The following DIP2B variants were observed in gnomAD, a reference collection of about 807,000 sequenced individuals.
The protein encoded by DIP2B is disco-interacting protein 2 homolog B.
Under a neutral mutation model 198.0 loss-of-function variants are expected in DIP2B, and 76 were observed. That is an observed-to-expected ratio of 0.38 (90% CI 0.32 to 0.46). The LOEUF (loss-of-function observed/expected upper bound fraction) is 0.46, where lower values mean the gene tolerates loss of function less well. Ranked by LOEUF, DIP2B falls within the 20% of genes least tolerant of loss-of-function variation. The probability of loss-of-function intolerance (pLI) is 0.99; values close to 1 mark genes in which losing one functional copy is unlikely to be tolerated. For missense variants in DIP2B, 1,559 were observed against 1,978.4 expected (o/e 0.79, Z 4.02); for synonymous variants, 701 against 739.1 (o/e 0.95, Z 0.84).
At chr12:50,647,200 C>T (rs1036196148) in intron 3 of DIP2B, among the ~76,000 whole-genome samples, 12 of 152,054 alleles carry the variant, frequency 7.9e-5, no homozygotes, top group Admixed American at 7.9e-4. Context: ...CAGACAAACC[C>T]TGTCATGCCT....
intron 1 of DIP2B, among the ~76,000 whole-genome samples, chr12:50,596,349 A>T (rs1390886283): frequency 6.6e-6 from 1 of 152,198 alleles, no homozygotes; most frequent in Non-Finnish European, 1.5e-5. Context: ...ACAGATTAAC[A>T]AAAGAACAGG....
At chr12:50,549,697 T>TA (rs56326368) in intron 1 of DIP2B, among the ~76,000 whole-genome samples, 18,992 of 64,550 alleles carry the variant, frequency 0.29, 3,459 homozygotes, top group South Asian at 0.36. Flanking sequence ...GACTCCATCT[T>TA]AAAAAAAAAA....
At chr12:50,565,291 C>T (rs1958554028) in intron 1 of DIP2B, among the ~76,000 whole-genome samples, 1 of 146,060 alleles carries the variant, frequency 6.8e-6, no homozygotes. Context: ...GCCACCATGC[C>T]AGCTGGTGCC....
At chr12:50,577,664 AAAT>A (rs1380310670) in intron 1 of DIP2B, among the ~76,000 whole-genome samples, 1 of 151,654 alleles carries the variant, frequency 6.6e-6, no homozygotes, top group African/African-American at 2.4e-5. Context: ...CTAAAACAAA[AAAT>A]AATAGGTAGA....
At chr12:50,507,542 A>G (rs534643204) in intron 1 of DIP2B, among the ~76,000 whole-genome samples, 1 of 152,026 alleles carries the variant, frequency 6.6e-6, no homozygotes, top group South Asian at 2.1e-4. Flanking sequence ...TTTTTGTTTT[A>G]GATGCTTTTC....
intron 19 of DIP2B, among the ~76,000 whole-genome samples, chr12:50,699,629 G>A (rs1939381177): frequency 6.6e-6 from 1 of 152,032 alleles, no homozygotes; most frequent in Non-Finnish European, 1.5e-5. Flanking sequence ...TGCTCTTACT[G>A]AGGCCAGGAG....
chr12:50,642,938 G>A (rs1164304755), intron 3 of DIP2B, among the ~76,000 whole-genome samples: 1 of 152,178 alleles, frequency 6.6e-6, no homozygotes. Context: ...TTTTCAGGCT[G>A]GAGCCCAGGT....
At chr12:50,578,249 C>CA (rs1389851151) in intron 1 of DIP2B, among the ~76,000 whole-genome samples, 1 of 152,150 alleles carries the variant, frequency 6.6e-6, no homozygotes, top group Non-Finnish European at 1.5e-5. Flanking sequence ...CTCAAGGTAT[C>CA]ACCTGCCTCG....
At chr12:50,621,232 C>T (rs1464418392) in intron 1 of DIP2B, among the ~76,000 whole-genome samples, 1 of 152,216 alleles carries the variant, frequency 6.6e-6, no homozygotes, top group Non-Finnish European at 1.5e-5. Context: ...GTCTTGCCCT[C>T]TAGCTAAGGG....
At chr12:50,561,490 G>A (rs1254653637) in intron 1 of DIP2B, among the ~76,000 whole-genome samples, 2 of 151,864 alleles carry the variant, frequency 1.3e-5, no homozygotes, top group Non-Finnish European at 2.9e-5. Context: ...ACTATTCAGA[G>A]TACTATCAGT....
intron 8 of DIP2B, chr12:50,679,363 C>T (rs969249729): frequency 1.8e-5 from 3 of 166,276 alleles, no homozygotes; most frequent in Non-Finnish European, 1.3e-5. Context: ...TGGGGTCAAC[C>T]CTGGGCTATG....
chr12:50,604,380 A>G (rs1175498803), intron 1 of DIP2B, among the ~76,000 whole-genome samples: 2 of 152,198 alleles, frequency 1.3e-5, no homozygotes, highest in Non-Finnish European at 2.9e-5. Flanking sequence ...CACTGTGTAC[A>G]TTATAAGTAA....
rs1444334612 is a variant in DIP2B, at chr12:50,730,380, CTCTTT to C, written c.3642-987_3642-983del. On this transcript the variant is annotated intron_variant, in intron 30 of 37. Coordinates refer to ENST00000301180, the MANE Select transcript of DIP2B (RefSeq NM_173602.3). Reference sequence around the variant, plus strand: ...TTTTTGTTTCTTTCTTTCTCTCTCTCTCTTTTTTTTTTTTTTTTAAAGGAGACAGG... The same window carrying C: ...TTTTTGTTTCTTTCTTTCTCTCTCTCTTTTTTTTTTTTTAAAGGAGACAGG... Among the ~76,000 whole-genome samples the C allele has an allele frequency of 4.0e-3, 231 of 57,894 alleles. 5 individuals are homozygous for C. In the East Asian group the frequency reaches 0.056, roughly 14 times the overall value. 38.0% of individuals were successfully genotyped at this position (57,894 alleles called of 152,430 possible). A position where few individuals can be genotyped will look rare whatever the true frequency, so the allele number is the denominator to read the frequency against.
chr12:50,572,881 C>T (rs772840595), intron 1 of DIP2B, among the ~76,000 whole-genome samples: 1 of 152,146 alleles, frequency 6.6e-6, no homozygotes, highest in African/African-American at 2.4e-5. Context: ...AGCTGTGACT[C>T]GCCATGGACA....
rs1016260587 is a variant in DIP2B at position 50,505,000 on chromosome 12, A to ATGGCGG, written c.-140_-135dup. 1.8e-6 allele frequency: 1 copy of ATGGCGG among 544,578 alleles called. No homozygotes were observed. The highest frequency in any genetic ancestry group is 2.3e-5 in the African/African-American group (1 of 42,894). The allele number at this position is 544,578 out of a possible 1,614,324, so 33.7% of individuals were successfully genotyped here. A position where few individuals can be genotyped will look rare whatever the true frequency, so the allele number is the denominator to read the frequency against. On this transcript the variant is annotated 5_prime_UTR_variant, in exon 1 of 38. Coordinates refer to ENST00000301180, the MANE Select transcript of DIP2B (RefSeq NM_173602.3). ...CGTCGCGCTCACGTGACCTTTGCTC[A>ATGGCGG]TGGCGGCGGCGGCGGCGGCGGCGGT... is the stretch of plus-strand genomic sequence containing the variant.
intron 23 of DIP2B, among the ~76,000 whole-genome samples, chr12:50,715,358 T>G (rs1309775002): frequency 6.6e-6 from 1 of 152,198 alleles, no homozygotes; most frequent in Non-Finnish European, 1.5e-5. Context: ...GCTCCAGGCT[T>G]AGGTTGGGTT....
At chr12:50,704,346 A>G in intron 20 of DIP2B, 126 bp downstream of exon 20, 2 of 777,064 alleles carry the variant, frequency 2.6e-6, no homozygotes, top group Non-Finnish European at 1.9e-6. Context: ...TATTTAAAGC[A>G]GTTCTTGTAA....
At chr12:50,684,339 C>T (rs1022914595) in intron 10 of DIP2B, among the ~76,000 whole-genome samples, 2 of 152,186 alleles carry the variant, frequency 1.3e-5, no homozygotes, top group Admixed American at 1.3e-4. Context: ...TAAGATTTTA[C>T]TTTGACAATA....
chr12:50,709,837 G>T (rs1449630989), intron 22 of DIP2B, among the ~76,000 whole-genome samples: 1 of 152,008 alleles, frequency 6.6e-6, no homozygotes, highest in African/African-American at 2.4e-5. Context: ...AATGAGCCAG[G>T]TGCTGTGACA....
Sources: allele counts gnomAD v4.1 joint callset (sites outside exome capture counted in the v4.1 genomes callset), GRCh38; gene constraint gnomAD v4.1.1; transcripts MANE v1.5; gene names NCBI Gene and HGNC (gene_info 2026-07-23, HGNC 2026-07-21).